The following AKAP6 variants were observed in gnomAD, a reference collection of about 807,000 sequenced individuals.
AKAP6 encodes the protein A-kinase anchor protein 6.
A neutral mutation model predicts 188.5 loss-of-function variants in AKAP6; 58 were observed. The observed-to-expected ratio is 0.31, with a 90% CI of 0.25 to 0.38. The LOEUF (loss-of-function observed/expected upper bound fraction) is 0.38, where lower values mean the gene tolerates loss of function less well. AKAP6 is among the 10% of genes least tolerant of loss of function. The probability of loss-of-function intolerance (pLI) is 1.00; values close to 1 mark genes in which losing one functional copy is unlikely to be tolerated. For missense variants in AKAP6, 2,710 were observed against 2,740.0 expected, an observed-to-expected ratio of 0.99 and a Z score of 0.24; for synonymous variants, 989 against 998.6, an observed-to-expected ratio of 0.99 and a Z score of 0.18.
intron 5 of AKAP6, among the ~76,000 whole-genome samples, chr14:32,598,172 G>A (rs898187067): frequency 1.3e-5 from 2 of 152,150 alleles, no homozygotes; most frequent in Non-Finnish European, 2.9e-5. Flanking sequence ...TATTTTACCT[G>A]GAACTGTATC....
intron 4 of AKAP6, among the ~76,000 whole-genome samples, chr14:32,567,066 T>C (rs1490958592): frequency 6.6e-6 from 1 of 152,062 alleles, no homozygotes; most frequent in Non-Finnish European, 1.5e-5. Context: ...GGACTACAGG[T>C]GCACACCACC....
intron 2 of AKAP6, among the ~76,000 whole-genome samples, chr14:32,480,236 T>C (rs1277718744): frequency 6.6e-6 from 1 of 152,134 alleles, no homozygotes; most frequent in Admixed American, 6.6e-5. Flanking sequence ...AGTTGAACAG[T>C]TCTTTAGAGT....
chr14:32,707,905 G>A (rs560988214), intron 9 of AKAP6, among the ~76,000 whole-genome samples: 1 of 152,142 alleles, frequency 6.6e-6, no homozygotes, highest in African/African-American at 2.4e-5. Flanking sequence ...ATATCAGGGA[G>A]AAAGAGAAAG....
chr14:32,444,282 A>G (rs559525349), intron 2 of AKAP6, among the ~76,000 whole-genome samples: 2 of 152,156 alleles, frequency 1.3e-5, no homozygotes, highest in Non-Finnish European at 2.9e-5. Flanking sequence ...GAAGCAAGAA[A>G]AAGTTCATCA....
intron 9 of AKAP6, among the ~76,000 whole-genome samples, chr14:32,709,468 T>C (rs1218852681): frequency 6.6e-6 from 1 of 152,050 alleles, no homozygotes; most frequent in Non-Finnish European, 1.5e-5. Flanking sequence ...ACCTACTTAA[T>C]GATTCTTCTC....
chr14:32,456,923 T>C (rs966178472), intron 2 of AKAP6, among the ~76,000 whole-genome samples: 5 of 152,366 alleles, frequency 3.3e-5, no homozygotes, highest in South Asian at 4.1e-4. Flanking sequence ...TTGAAATAAA[T>C]GGTAGTCTTC....
At chr14:32,736,030 T>TA (rs2031404084) in intron 11 of AKAP6, 148 bp downstream of exon 11, 8 of 617,404 alleles carry the variant, frequency 1.3e-5, no homozygotes, top group Admixed American at 3.2e-5. Flanking sequence ...CCTCCACATT[T>TA]CTTATATGTC....
intron 2 of AKAP6, among the ~76,000 whole-genome samples, chr14:32,523,320 A>T (rs1290397691): frequency 6.6e-6 from 1 of 152,200 alleles, no homozygotes; most frequent in African/African-American, 2.4e-5. Flanking sequence ...TAGAACTTAA[A>T]GTAGAATTTT....
intron 6 of AKAP6, among the ~76,000 whole-genome samples, chr14:32,600,103 G>T (rs1446615684): frequency 2.0e-5 from 3 of 152,124 alleles, no homozygotes; most frequent in African/African-American, 7.2e-5. Context: ...TGTAAGACAG[G>T]ATACTTACAG....
chr14:32,558,063 A>G (rs1370134489), intron 4 of AKAP6, among the ~76,000 whole-genome samples: 1 of 152,218 alleles, frequency 6.6e-6, no homozygotes, highest in Non-Finnish European at 1.5e-5. Flanking sequence ...TTTAGATACA[A>G]GAATAAAGAA....
chr14:32,661,080 GA>G (rs1888679733), intron 7 of AKAP6, among the ~76,000 whole-genome samples: 1 of 151,800 alleles, frequency 6.6e-6, no homozygotes, highest in Non-Finnish European at 1.5e-5. Context: ...GGGAAATGTA[GA>G]GAAATAGTGA....
At chr14:32,366,635 T>G (rs1318185904) in intron 1 of AKAP6, among the ~76,000 whole-genome samples, 1 of 152,242 alleles carries the variant, frequency 6.6e-6, no homozygotes, top group Non-Finnish European at 1.5e-5. Context: ...TTGCTGTGCT[T>G]CTTTTCTAAC....
chr14:32,754,235 G>A (rs74748803), intron 11 of AKAP6, among the ~76,000 whole-genome samples: 31 of 151,874 alleles, frequency 2.0e-4, no homozygotes, highest in Middle Eastern at 3.4e-3. Flanking sequence ...ATGAATTTAC[G>A]CCTTTATCAT....
chr14:32,363,194 C>A (rs1887721029), intron 1 of AKAP6, among the ~76,000 whole-genome samples: 1 of 152,160 alleles, frequency 6.6e-6, no homozygotes, highest in Non-Finnish European at 1.5e-5. Context: ...AGTTAACCCT[C>A]TAGACTACTG....
intron 12 of AKAP6, among the ~76,000 whole-genome samples, chr14:32,795,024 A>G (rs2033722936): frequency 6.6e-6 from 1 of 152,330 alleles, no homozygotes; most frequent in South Asian, 2.1e-4. Context: ...CACATAAACT[A>G]GAAATCTAGA....
chr14:32,738,155 C>G (rs1266589530), intron 11 of AKAP6, among the ~76,000 whole-genome samples: 1 of 152,026 alleles, frequency 6.6e-6, no homozygotes, highest in East Asian at 1.9e-4. Flanking sequence ...TTTAATGAGG[C>G]CAGCTGGCAA....
chr14:32,494,879 C>T (rs563526260), intron 2 of AKAP6, among the ~76,000 whole-genome samples: 2 of 152,088 alleles, frequency 1.3e-5, no homozygotes, highest in South Asian at 4.2e-4. Context: ...TAAACTACAC[C>T]CCATGTTGTG....
intron 1 of AKAP6, among the ~76,000 whole-genome samples, chr14:32,342,378 T>A (rs892169966): frequency 7.9e-5 from 12 of 152,186 alleles, no homozygotes; most frequent in Non-Finnish European, 5.9e-5. Context: ...CTCTCTTCCA[T>A]GTCTACCCTC....
chr14:32,794,579 CAAAT>C (rs1387419190), intron 12 of AKAP6, among the ~76,000 whole-genome samples: 1 of 151,954 alleles, frequency 6.6e-6, no homozygotes, highest in Non-Finnish European at 1.5e-5. Context: ...AACAAACAAA[CAAAT>C]AGTTCTTCAA....
Sources: allele counts gnomAD v4.1 joint callset (sites outside exome capture counted in the v4.1 genomes callset), GRCh38; gene constraint gnomAD v4.1.1; transcripts MANE v1.5; gene names NCBI Gene and HGNC (gene_info 2026-07-23, HGNC 2026-07-21).